The following MLC1 variants were observed in gnomAD, a reference collection of about 807,000 sequenced individuals.
MLC1 encodes the protein modulator of VRAC current 1, also known as membrane protein MLC1.
MLC1 carries 32 observed loss-of-function variants against 44.7 expected under a neutral mutation model. The observed-to-expected ratio is 0.72, with a 90% confidence interval of 0.54 to 0.96. The LOEUF is 0.96. Ranked by LOEUF, MLC1 falls within the 40% of genes least tolerant of loss-of-function variation. The pLI is 0.00. For missense variants in MLC1, 459 were observed against 492.2 expected, an observed-to-expected ratio of 0.93 and a Z score of 0.64; for synonymous variants, 190 against 213.0, an observed-to-expected ratio of 0.89 and a Z score of 0.94.
At position 50,064,062 on chromosome 22, in the gene MLC1, T is replaced by C. The variant is rs11568188; in HGVS notation, c.1031A>G (p.Asn344Ser). The C allele has an allele frequency of 0.12, 175,365 of 1,480,250 alleles. 15,810 individuals carry two copies. Among genetic ancestry groups the C allele is most frequent in the South Asian group, 0.2 (16,464 of 84,078 alleles). The allele number at this position is 1,480,250 out of a possible 1,614,324, so 91.7% of individuals were successfully genotyped here. The change falls in exon 11 of 12, where the codon AAC becomes AGC. Residue 344 changes from asparagine to serine, a missense_variant. Transcript: ENST00000311597. ...RLQGASWDTQ[N>S]GPQERLAGEV... ...CCCAGCCAGGCGCTCCTGCGGGCCGTTCTGGGTGTCCCAGGATGCACCCTG... is the reference window on the plus strand; with the variant it reads ...CCCAGCCAGGCGCTCCTGCGGGCCGCTCTGGGTGTCCCAGGATGCACCCTG...
At chr22:50,081,244 G>T (rs1393823066) in intron 3 of MLC1, among the ~76,000 whole-genome samples, 1 of 152,152 alleles carries the variant, frequency 6.6e-6, no homozygotes, top group African/African-American at 2.4e-5. Flanking sequence ...TCAGGAGGCT[G>T]AGGCAGGAGA....
At chr22:50,065,210 C>T (rs533372257) in intron 10 of MLC1, among the ~76,000 whole-genome samples, 33 of 152,314 alleles carry the variant, frequency 2.2e-4, no homozygotes, top group South Asian at 1.2e-3. Context: ...TGTGCCACTA[C>T]GCCCGGCCTG....
chr22:50,074,908 G>T (rs539770197), intron 7 of MLC1, among the ~76,000 whole-genome samples: 4 of 152,322 alleles, frequency 2.6e-5, no homozygotes, highest in African/African-American at 7.2e-5. Flanking sequence ...TTAAAAGTGG[G>T]TATAAATAGG....
intron 3 of MLC1, among the ~76,000 whole-genome samples, chr22:50,080,805 C>T (rs1480470299): frequency 6.6e-6 from 1 of 151,984 alleles, no homozygotes; most frequent in Non-Finnish European, 1.5e-5. Flanking sequence ...AGCTTTGAAG[C>T]CTAGAATGTA....
intron 11 of MLC1, among the ~76,000 whole-genome samples, chr22:50,062,247 GCCCACCCTGAGCCCAAGCCA>G (rs2061582840): frequency 2.1e-5 from 2 of 93,428 alleles, no homozygotes; most frequent in African/African-American, 4.3e-5. Flanking sequence ...AGCCCCAACC[GCCCACCCTGAGCCCAAGCCA>G]CCCACCTTGA....
Position 50,084,733 on chromosome 22 carries a change from A to G in MLC1, c.170T>C (p.Leu57Pro). The G allele has an allele frequency of 6.2e-7, 1 of 1,614,072 alleles. No individual in the cohort carries two copies. Among genetic ancestry groups the G allele is most frequent in the Non-Finnish European group, 8.5e-7 (1 of 1,180,034 alleles). Reference sequence around the variant, plus strand: ...TAGTGTGGAGCTACTCACCCCCATCAGCACAGAGAAGACCCACGTCTTGTG... The same window carrying G: ...TAGTGTGGAGCTACTCACCCCCATCGGCACAGAGAAGACCCACGTCTTGTG... ...FSHKTWVFSV[L>P]MGSCLLVTSG... Residue 57 changes from leucine to proline, a missense_variant, in exon 2 of 12, where the codon CTG becomes CCG. By Grantham distance (98) the Leu-to-Pro change is moderately conservative. Transcript: ENST00000311597.
Position 50,080,253 on chromosome 22 carries a change from C to T in MLC1, c.321+91G>A, listed in dbSNP as rs866910935. ...CCCTCTCGGTGCCACAACGTCTGTG[C>T]GTGGGCACACACACAAGCACACATG... On this transcript the variant is annotated intron_variant, in intron 4 of 11. Coordinates refer to ENST00000311597, the MANE Select transcript of MLC1 (RefSeq NM_015166.4). The T allele has an allele frequency of 2.3e-5, 33 of 1,442,508 alleles. No individual in the cohort carries two copies. The Middle Eastern group carries it at 2.6e-3, about 112-fold the overall frequency. The allele number at this position is 1,442,508 out of a possible 1,614,324, so 89.4% of individuals were successfully genotyped here. A position where few individuals can be genotyped will look rare whatever the true frequency, so the allele number is the denominator to read the frequency against.
chr22:50,063,878 TCC>T (rs2061637686), intron 11 of MLC1, among the ~76,000 whole-genome samples, 154 bp downstream of exon 11: 2 of 15,454 alleles, frequency 1.3e-4, no homozygotes, highest in East Asian at 2.1e-3. Context: ...CAGCACCCCC[TCC>T]CCCTGCAGGC....
chr22:50,084,703 G>A (rs1365507759), intron 2 of MLC1, 23 bp downstream of exon 2: 70 of 1,613,026 alleles, frequency 4.3e-5, no homozygotes, highest in Non-Finnish European at 5.9e-5. Flanking sequence ...GGCCCTCCAA[G>A]GGCTTAGTGT....
chr22:50,076,966 T>C lies in MLC1; in HGVS notation c.526-54A>G, dbSNP rs1034078320. 7 of 1,600,294 alleles carry C rather than the reference T, an allele frequency of 4.4e-6. No individual in the cohort carries two copies. In the African/African-American group the frequency reaches 9.4e-5, roughly 21 times the overall value. Reference sequence around the variant, plus strand: ...GTGCACGGGCACAGGGACTCAGCACTGCCGCTGGCATCCGGCCGCCGTGGG... The same window carrying C: ...GTGCACGGGCACAGGGACTCAGCACCGCCGCTGGCATCCGGCCGCCGTGGG... On this transcript the variant is annotated intron_variant, in intron 6 of 11. Transcript: ENST00000311597.
At chr22:50,085,113 GA>G (rs1189952112) in intron 1 of MLC1, 152 bp from the exon 2 acceptor site, 2 of 1,434,822 alleles carry the variant, frequency 1.4e-6, no homozygotes, top group East Asian at 2.5e-5. Flanking sequence ...AAGTGAAAAA[GA>G]AATAACTTTC....
chr22:50,077,849 G>A (rs1569249057), intron 5 of MLC1, among the ~76,000 whole-genome samples: 3 of 152,196 alleles, frequency 2.0e-5, no homozygotes. Context: ...ATGCATGATT[G>A]TCAAGCACTG....
At chr22:50,066,083 A>C (rs1340385978) in intron 10 of MLC1, among the ~76,000 whole-genome samples, 1 of 151,768 alleles carries the variant, frequency 6.6e-6, no homozygotes, top group Non-Finnish European at 1.5e-5. Flanking sequence ...AAGCCTCCTC[A>C]TCCCAGCACT....
intron 11 of MLC1, among the ~76,000 whole-genome samples, chr22:50,062,057 CTGTCCACCCTGAGCCCCAGT>C (rs1342054213): frequency 7.2e-5 from 11 of 152,068 alleles, no homozygotes; most frequent in African/African-American, 1.9e-4. Flanking sequence ...CCAGCCCCAG[CTGTCCACCCTGAGCCCCAGT>C]TGTCCACCCT....
intron 10 of MLC1, among the ~76,000 whole-genome samples, chr22:50,067,818 TCCCCCATCAGACAGTGACTCCATC>T (rs2061747727): frequency 1.1e-5 from 1 of 86,996 alleles, no homozygotes; most frequent in Non-Finnish European, 2.2e-5. Context: ...AGTGACTCCA[TCCCCCATCAGACAGTGACTCCATC>T]CCCCCATCAG....
In MLC1 at chr22:50,064,198, G is replaced by T. The variant is rs751905253; in HGVS notation, c.895C>A (p.Pro299Thr). Residue 299 changes from proline (P) to threonine (T), a missense_variant and splice_region_variant, in exon 11 of 12, where the codon CCA (proline) becomes ACA (threonine). Physicochemically the swap from Pro to Thr is conservative, Grantham distance 38 (BLOSUM62 -1). Transcript: ENST00000311597. ...MFKDYPPAIK[P>T]SYDVLLLLLL... is the part of the protein sequence containing the mutation. ...AGCAGCAGCAGCACATCGTAGGATGGCTGCAGGCGGAAGGAGGTGTGAGCA... is the reference window on the plus strand; with the variant it reads ...AGCAGCAGCAGCACATCGTAGGATGTCTGCAGGCGGAAGGAGGTGTGAGCA... 6.3e-6 allele frequency: 10 copies of T among 1,593,356 alleles called. No individual in the cohort carries two copies. Among genetic ancestry groups the T allele is most frequent in the Non-Finnish European group, 7.7e-6 (9 of 1,175,956 alleles).
intron 10 of MLC1, among the ~76,000 whole-genome samples, chr22:50,067,696 C>A (rs2061741762): frequency 7.4e-6 from 1 of 135,166 alleles, no homozygotes; most frequent in African/African-American, 2.8e-5. Flanking sequence ...CAGGCAGTGA[C>A]CCCATCCTCC....
chr22:50,079,779 A>G (rs767257085), intron 5 of MLC1, 139 bp downstream of exon 5: 2 of 755,838 alleles, frequency 2.6e-6, no homozygotes, highest in Non-Finnish European at 4.8e-6. Flanking sequence ...GGATGCATAA[A>G]TCTCTCAACT....
At chr22:50,085,274 C>T (rs932714948) in intron 1 of MLC1, 81 bp downstream of exon 1, 5 of 1,053,376 alleles carry the variant, frequency 4.7e-6, no homozygotes, top group Non-Finnish European at 6.1e-6. Flanking sequence ...GACTCAAGCA[C>T]GTTAAACTGC....
Sources: allele counts gnomAD v4.1 joint callset (sites outside exome capture counted in the v4.1 genomes callset), GRCh38; gene constraint gnomAD v4.1.1; transcripts MANE v1.5; gene names NCBI Gene and HGNC (gene_info 2026-07-23, HGNC 2026-07-21).